BDKRB2: variants seen among roughly 807,000 people sequenced by gnomAD.
BDKRB2 encodes the protein bradykinin receptor B2, also known as B2 bradykinin receptor.
In BDKRB2, 6 loss-of-function variants were observed where a neutral mutation model predicts 4.0. The ratio of observed to expected loss-of-function variants is 1.49; its 90% CI spans 0.81 to 2.93. BDKRB2 has a LOEUF of 2.93. Ranked by LOEUF, BDKRB2 falls within the 30% of genes most tolerant of loss-of-function variation. The probability of loss-of-function intolerance (pLI) is 0.00; values close to 1 mark genes in which losing one functional copy is unlikely to be tolerated. For missense variants in BDKRB2, 478 were observed against 520.1 expected, an observed-to-expected ratio of 0.92 and a Z score of 0.79; for synonymous variants, 225 against 215.3, an observed-to-expected ratio of 1.05 and a Z score of -0.40.
At chr14:96,234,187 G>T (rs145859720) in intron 1 of BDKRB2, 1 of 152,206 alleles carries the variant, frequency 6.6e-6, no homozygotes, top group East Asian at 1.9e-4. Context: ...TTAATGAAGC[G>T]TTTCTTTACA....
intron 1 of BDKRB2, among the ~76,000 whole-genome samples, chr14:96,224,512 G>A (rs114617462): frequency 0.01 from 1,558 of 152,240 alleles, 28 homozygotes; most frequent in African/African-American, 0.035. Context: ...ACATTGTCAC[G>A]GTGCTCCCAG....
chr14:96,226,264 G>GC (rs1364469981), intron 1 of BDKRB2, among the ~76,000 whole-genome samples: 1 of 152,182 alleles, frequency 6.6e-6, no homozygotes, highest in Non-Finnish European at 1.5e-5. Context: ...CTCTGCCTCG[G>GC]CCTGGGGTAT....
At chr14:96,239,778 C>T (rs1389567847) in intron 2 of BDKRB2, 2 of 983,790 alleles carry the variant, frequency 2.0e-6, no homozygotes, top group Admixed American at 6.1e-5. Context: ...GATGTGAACC[C>T]AGTAGGACTA....
At chr14:96,230,808 G>A (rs1890802126) in intron 1 of BDKRB2, among the ~76,000 whole-genome samples, 1 of 152,074 alleles carries the variant, frequency 6.6e-6, no homozygotes, top group South Asian at 2.1e-4. Flanking sequence ...TAGAAGTGAG[G>A]TTTCACCATG....
chr14:96,214,566 C>T (rs4900315), intron 1 of BDKRB2: 101,304 of 152,110 alleles, frequency 0.67, 34,007 homozygotes, highest in Non-Finnish European at 0.71. Flanking sequence ...GAGACTCCCT[C>T]GTCCAGACCC....
intron 1 of BDKRB2, among the ~76,000 whole-genome samples, chr14:96,235,851 A>T (rs973531282): frequency 1.3e-5 from 2 of 152,122 alleles, no homozygotes; most frequent in African/African-American, 2.4e-5. Context: ...ACACACTTGC[A>T]CATGCATAGA....
chr14:96,241,020 TG>T lies in BDKRB2; in HGVS notation c.695del (p.Gly232AlafsTer6), dbSNP rs1885274780. ...TTCACCAACATGCTCCTGAATGTCGTGGGCTTCCTGCTGCCCCTGAGTGTCA... is the reference window on the plus strand; with the variant it reads ...TTCACCAACATGCTCCTGAATGTCGTGGCTTCCTGCTGCCCCTGAGTGTCA... ...EVFTNMLLNVVGFLLPLSVIT... is the reference protein window; with the variant it reads ...EVFTNMLLNVXGFLLPLSVIT... On this transcript the variant is annotated frameshift_variant, in exon 3 of 3. Transcript: ENST00000554311. LOFTEE classifies it low-confidence loss of function (END_TRUNC). 1 of 1,607,904 alleles carries T rather than the reference TG, an allele frequency of 6.2e-7. No individual in the cohort carries two copies. Among genetic ancestry groups the T allele is most frequent in the East Asian group, 2.2e-5 (1 of 44,684 alleles).
intron 1 of BDKRB2, among the ~76,000 whole-genome samples, chr14:96,221,886 G>A (rs183332997): frequency 1.1e-4 from 16 of 151,992 alleles, no homozygotes; most frequent in Admixed American, 5.9e-4. Flanking sequence ...CAATCCTTTC[G>A]ATGCCACTGT....
intron 1 of BDKRB2, among the ~76,000 whole-genome samples, chr14:96,232,919 G>A (rs1204396256): frequency 6.6e-6 from 1 of 152,122 alleles, no homozygotes; most frequent in Non-Finnish European, 1.5e-5. Context: ...TTGGTTGGGG[G>A]CCCTGAAACA....
intron 1 of BDKRB2, among the ~76,000 whole-genome samples, chr14:96,220,531 TC>T (rs1279782921): frequency 2.6e-5 from 4 of 152,110 alleles, no homozygotes; most frequent in Non-Finnish European, 5.9e-5. Flanking sequence ...TTGTCCGTTT[TC>T]TAAGGAGTTG....
At chr14:96,207,960 A>G (rs1890228505) in intron 1 of BDKRB2, among the ~76,000 whole-genome samples, 1 of 152,146 alleles carries the variant, frequency 6.6e-6, no homozygotes, top group Admixed American at 6.5e-5. Context: ...TATCCATCTT[A>G]GTGTGCATGC....
chr14:96,236,942 A>G, intron 1 of BDKRB2, 127 bp from the exon 2 acceptor site: 1 of 658,180 alleles, frequency 1.5e-6, no homozygotes, highest in South Asian at 1.8e-5. Context: ...GCTGTGTGGG[A>G]GCACTTCACA....
At chr14:96,207,859 A>C (rs1239408385) in intron 1 of BDKRB2, among the ~76,000 whole-genome samples, 1 of 152,108 alleles carries the variant, frequency 6.6e-6, no homozygotes, top group Non-Finnish European at 1.5e-5. Context: ...CCTCAGGGTC[A>C]TGAGTCAAAC....
chr14:96,232,890 C>T (rs555877362), intron 1 of BDKRB2, among the ~76,000 whole-genome samples: 4 of 152,288 alleles, frequency 2.6e-5, no homozygotes, highest in East Asian at 1.9e-4. Context: ...ATATCTTTTC[C>T]TTCTCCACTT....
chr14:96,230,138 A>AC lies in BDKRB2; in HGVS notation c.-39-6931_-39-6930insC, dbSNP rs532126787. Among the ~76,000 whole-genome samples, 14 of 149,966 alleles carry AC rather than the reference A, an allele frequency of 9.3e-5. No homozygotes were observed. The East Asian group carries it at 2.0e-3, about 21-fold the overall frequency. ...TACAGAGCGAGACTCCGTCTCAACAAAAAAAAAAAATTAAAAAGGATTGGA... is the reference window on the plus strand; with the variant it reads ...TACAGAGCGAGACTCCGTCTCAACAACAAAAAAAAAATTAAAAAGGATTGGA... On this transcript the variant is annotated intron_variant, in intron 1 of 2. Coordinates refer to ENST00000554311, the MANE Select transcript of BDKRB2 (RefSeq NM_001379692.1).
intron 1 of BDKRB2, among the ~76,000 whole-genome samples, chr14:96,230,107 C>T (rs1402169475): frequency 6.6e-6 from 1 of 151,692 alleles, no homozygotes; most frequent in Non-Finnish European, 1.5e-5. Flanking sequence ...GCACTCCAGC[C>T]TGGGCTACAG....
At position 96,239,817 on chromosome 14, in the gene BDKRB2, G is replaced by A. The variant is rs150338755; in HGVS notation, c.75-586G>A. ...GGCTGCAAAGTCCCCACCCTCCCTC[G>A]CCATCTGTATCCTCCAATCATCTTC... On this transcript the variant is annotated intron_variant, in intron 2 of 2. Transcript: ENST00000554311. 9.7e-5 allele frequency: 96 copies of A among 985,300 alleles called. No homozygotes were observed. In the East Asian group the frequency reaches 4.8e-3, roughly 49 times the overall value. 61.0% of individuals were successfully genotyped at this position (985,300 alleles called of 1,614,324 possible).
At chr14:96,218,237 T>C (rs1263620841) in intron 1 of BDKRB2, among the ~76,000 whole-genome samples, 2 of 152,176 alleles carry the variant, frequency 1.3e-5, no homozygotes, top group Non-Finnish European at 2.9e-5. Context: ...CTCAGAGGTT[T>C]AGTTTCCTTA....
chr14:96,221,575 G>C (rs531367097), intron 1 of BDKRB2, among the ~76,000 whole-genome samples: 3 of 152,114 alleles, frequency 2.0e-5, no homozygotes, highest in Non-Finnish European at 4.4e-5. Context: ...AGAGTTCTGA[G>C]TTTATTTGGG....
Sources: gnomAD v4.1 joint callset for allele counts (sites outside exome capture counted in the v4.1 genomes callset) on GRCh38, gnomAD v4.1.1 for gene constraint, MANE v1.5 for transcripts, NCBI Gene and HGNC (gene_info 2026-07-23, HGNC 2026-07-21) for gene names.